PAX8: variants seen among roughly 807,000 people sequenced by gnomAD.
The protein encoded by PAX8 is paired box protein Pax-8.
Under a neutral mutation model 52.4 loss-of-function variants are expected in PAX8, and 15 were observed. The ratio of observed to expected loss-of-function variants is 0.29; its 90% confidence interval spans 0.19 to 0.44. The LOEUF (loss-of-function observed/expected upper bound fraction) is 0.44, where lower values mean the gene tolerates loss of function less well. PAX8 is among the 20% of genes least tolerant of loss of function. PAX8 has a pLI of 1.00. For missense variants in PAX8, 554 were observed against 602.5 expected (o/e 0.92, Z 0.84); for synonymous variants, 284 against 249.7 (o/e 1.14, Z -1.29).
intron 10 of PAX8, among the ~76,000 whole-genome samples, chr2:113,222,387 A>T (rs938196104): frequency 2.0e-5 from 3 of 152,154 alleles, no homozygotes; most frequent in African/African-American, 7.2e-5. Context: ...TCACCCACTT[A>T]TTTATGTATT....
chr2:113,235,282 C>A (rs1183612124), intron 9 of PAX8, 112 bp downstream of exon 9: 22 of 869,802 alleles, frequency 2.5e-5, no homozygotes, highest in Non-Finnish European at 3.6e-5. Context: ...AATTAGGGAA[C>A]AGGGTGGGGG....
In PAX8 at chr2:113,246,832, G is replaced by T. The variant is rs1691360136; in HGVS notation, c.113C>A (p.Ala38Asp). ...EVVRQRIVDLAHQGVRPCDIS... is the reference protein window; with the variant it reads ...EVVRQRIVDLDHQGVRPCDIS... ...GTCGCAGGGCCTTACACCCTGGTGG[G>T]CCAGGTCTACGATGCGCTGGCGGAC... The change falls in exon 3 of 12, where the codon GCC becomes GAC. Residue 38 changes from alanine (A) to aspartate (D), a missense_variant. Physicochemically the swap from Ala to Asp is moderately radical, Grantham distance 126. Transcript: ENST00000429538. 7 of 1,614,218 alleles carry T rather than the reference G, an allele frequency of 4.3e-6. No homozygotes were observed. The highest frequency in any genetic ancestry group is 5.9e-6 in the Non-Finnish European group (7 of 1,180,016).
At chr2:113,250,969 C>G (rs1196210474) in intron 2 of PAX8, 1 of 151,536 alleles carries the variant, frequency 6.6e-6, no homozygotes, top group African/African-American at 2.4e-5. Flanking sequence ...TAGGAGGTAA[C>G]TAGGTGAAGA....
intron 2 of PAX8, among the ~76,000 whole-genome samples, chr2:113,257,062 T>C (rs1382549089): frequency 6.6e-6 from 1 of 152,192 alleles, no homozygotes; most frequent in Non-Finnish European, 1.5e-5. Flanking sequence ...TATGGTTTTA[T>C]GGGAAGATTC....
chr2:113,238,228 C>T (rs1335259882), intron 7 of PAX8: 1 of 152,116 alleles, frequency 6.6e-6, no homozygotes, highest in Non-Finnish European at 1.5e-5. Flanking sequence ...TGCTACCATG[C>T]CAGGCTAATT....
intron 2 of PAX8, among the ~76,000 whole-genome samples, chr2:113,277,384 C>T (rs1474859015): frequency 6.6e-6 from 1 of 152,154 alleles, no homozygotes; most frequent in Non-Finnish European, 1.5e-5. Flanking sequence ...GCTGCGCGCC[C>T]GATCCGACCC....
intron 7 of PAX8, chr2:113,241,075 G>T: frequency 3.8e-6 from 1 of 262,262 alleles, no homozygotes; most frequent in Non-Finnish European, 7.5e-6. Context: ...TCTGTGTGGA[G>T]GGCACACAGT....
At chr2:113,251,215 C>T (rs1691731702) in intron 2 of PAX8, among the ~76,000 whole-genome samples, 1 of 152,122 alleles carries the variant, frequency 6.6e-6, no homozygotes, top group Non-Finnish European at 1.5e-5. Flanking sequence ...GAGTCACCAC[C>T]AAATGCCCAG....
chr2:113,226,901 CT>C, intron 10 of PAX8: 1 of 1,385,238 alleles, frequency 7.2e-7, no homozygotes, highest in South Asian at 1.4e-5. Flanking sequence ...CAGCCCCTCC[CT>C]TTTCATCATG....
chr2:113,261,087 C>T (rs1692644724), intron 2 of PAX8, among the ~76,000 whole-genome samples: 1 of 152,092 alleles, frequency 6.6e-6, no homozygotes, highest in Non-Finnish European at 1.5e-5. Context: ...ATAGCAGGCA[C>T]CATGGCGAAG....
intron 7 of PAX8, 68 bp from the exon 8 acceptor site, chr2:113,236,789 C>T: frequency 6.5e-7 from 1 of 1,528,298 alleles, no homozygotes. Flanking sequence ...AGACCCTGAG[C>T]CTGTGTCTTA....
chr2:113,240,549 G>A (rs1463180292), intron 7 of PAX8: 11 of 152,246 alleles, frequency 7.2e-5, no homozygotes, highest in Admixed American at 6.5e-4. Flanking sequence ...GTGATGACTA[G>A]GAGCTGAGAG....
At chr2:113,238,840 C>T (rs1238883914) in intron 7 of PAX8, 3 of 152,216 alleles carry the variant, frequency 2.0e-5, no homozygotes, top group Admixed American at 6.5e-5. Flanking sequence ...TTGGTGACAG[C>T]AGATGCCCAA....
intron 2 of PAX8, among the ~76,000 whole-genome samples, chr2:113,253,665 T>G (rs1270052927): frequency 5.9e-5 from 9 of 152,228 alleles, no homozygotes; most frequent in Admixed American, 5.9e-4. Flanking sequence ...ATTTCAGCAC[T>G]GAGTCACTTC....
chr2:113,245,055 T>TTTTG (rs34490643), intron 3 of PAX8, among the ~76,000 whole-genome samples: 19,930 of 150,932 alleles, frequency 0.13, 1,494 homozygotes, highest in Non-Finnish European at 0.18. Flanking sequence ...GTTTTTTTTT[T>TTTTG]TTGTTTTTTG....
chr2:113,258,744 T>C (rs1692445080), intron 2 of PAX8, among the ~76,000 whole-genome samples: 1 of 152,220 alleles, frequency 6.6e-6, no homozygotes, highest in Admixed American at 6.5e-5. Flanking sequence ...ATTTTCTCTT[T>C]GTCTTCCTAA....
At chr2:113,277,668 C>T (rs1308560700) in intron 2 of PAX8, among the ~76,000 whole-genome samples, 2 of 152,330 alleles carry the variant, frequency 1.3e-5, no homozygotes, top group African/African-American at 4.8e-5. Context: ...CCTGCCCAGC[C>T]CTGGCCGGGA....
At chr2:113,220,005 G>A in intron 11 of PAX8, 87 bp downstream of exon 11, 1 of 910,880 alleles carries the variant, frequency 1.1e-6, no homozygotes, top group Non-Finnish European at 1.8e-6. Flanking sequence ...AGGACTCCCA[G>A]CTTTCAGGTA....
At chr2:113,255,488 T>C (rs1573504981) in intron 2 of PAX8, 1 of 152,028 alleles carries the variant, frequency 6.6e-6, no homozygotes, top group Non-Finnish European at 1.5e-5. Flanking sequence ...GGAGTCAGGG[T>C]ATGAATGCAG....
Sources: allele counts gnomAD v4.1 joint callset (sites outside exome capture counted in the v4.1 genomes callset), GRCh38; gene constraint gnomAD v4.1.1; transcripts MANE v1.5; gene names NCBI Gene and HGNC (gene_info 2026-07-23, HGNC 2026-07-21).